The following TNFAIP8 variants were observed in gnomAD, a reference collection of about 807,000 sequenced individuals.
The protein encoded by TNFAIP8 is TNF alpha induced protein 8.
A neutral mutation model predicts 13.3 loss-of-function variants in TNFAIP8; 7 were observed. The observed-to-expected ratio is 0.52, with a 90% CI of 0.30 to 0.99. The LOEUF is 0.99. TNFAIP8 is among the 50% of genes least tolerant of loss of function. The probability of loss-of-function intolerance (pLI) is 0.07; values close to 1 mark genes in which losing one functional copy is unlikely to be tolerated. For missense variants in TNFAIP8, 258 were observed against 236.9 expected (o/e 1.09, Z -0.58); for synonymous variants, 94 against 87.6 (o/e 1.07, Z -0.41).
intron 1 of TNFAIP8, among the ~76,000 whole-genome samples, chr5:119,382,143 A>C (rs993571265): frequency 2.6e-5 from 4 of 152,152 alleles, no homozygotes; most frequent in Non-Finnish European, 5.9e-5. Flanking sequence ...AATCATATTT[A>C]TTTCTATAAG....
At chr5:119,285,910 A>C (rs1748763286) in intron 1 of TNFAIP8, among the ~76,000 whole-genome samples, 1 of 152,182 alleles carries the variant, frequency 6.6e-6, no homozygotes. Context: ...TAAAAAACAA[A>C]ATACTGATCT....
chr5:119,334,837 A>T (rs1750500313), intron 1 of TNFAIP8, among the ~76,000 whole-genome samples: 1 of 152,084 alleles, frequency 6.6e-6, no homozygotes, highest in Non-Finnish European at 1.5e-5. Flanking sequence ...GATCAGAGCC[A>T]GCTTTGCTTG....
chr5:119,379,503 G>A (rs1752404848), intron 1 of TNFAIP8, among the ~76,000 whole-genome samples: 1 of 152,200 alleles, frequency 6.6e-6, no homozygotes, highest in Non-Finnish European at 1.5e-5. Flanking sequence ...CAGGGATGAA[G>A]GGGGAAGGTG....
chr5:119,269,814 G>C (rs1228968410), intron 1 of TNFAIP8, among the ~76,000 whole-genome samples: 1 of 152,088 alleles, frequency 6.6e-6, no homozygotes, highest in Non-Finnish European at 1.5e-5. Flanking sequence ...GGAGGTGGGG[G>C]TCAGTACTCC....
intron 1 of TNFAIP8, among the ~76,000 whole-genome samples, chr5:119,319,677 ATG>A: frequency 6.6e-6 from 1 of 152,278 alleles, no homozygotes; most frequent in South Asian, 2.1e-4. Context: ...CAGGATTATT[ATG>A]GGTTATTTCT....
chr5:119,388,079 A>G lies in TNFAIP8; in HGVS notation c.32-4737A>G, dbSNP rs143752160. Among the ~76,000 whole-genome samples the G allele has an allele frequency of 1.8e-4, 27 of 152,314 alleles. No individual in the cohort carries two copies. In the East Asian group the frequency reaches 4.0e-3, roughly 23 times the overall value. ...CCCTCTGGCACATGTCTAAACATAG[A>G]TCCAGCCAGAAGTAGAGGTGGGCCT... On this transcript the variant is annotated intron_variant, in intron 1 of 1. Coordinates refer to ENST00000504771, the MANE Select transcript of TNFAIP8 (RefSeq NM_014350.4).
rs532628061 is a variant in TNFAIP8 at position 119,381,857 on chromosome 5, G to A, written c.32-10959G>A. 5.9e-5 allele frequency among the ~76,000 whole-genome samples: 9 copies of A among 152,090 alleles called. 1 individual carries two copies. The South Asian group carries it at 1.5e-3, about 25-fold the overall frequency. ...TGAGGCAGGAGAATCGCTTGAACCC[G>A]GGAGGTGGAGGTTGCAGTGAGCCAA... On this transcript the variant is annotated intron_variant, in intron 1 of 1. Transcript: ENST00000504771.
chr5:119,281,240 A>G (rs958015414), intron 1 of TNFAIP8, among the ~76,000 whole-genome samples: 1 of 140,370 alleles, frequency 7.1e-6, no homozygotes, highest in Non-Finnish European at 1.6e-5. Context: ...TGGAATGGTT[A>G]GTATTTATAG....
upstream of TNFAIP8, among the ~76,000 whole-genome samples, chr5:119,351,260 C>T (rs1310598999): frequency 6.6e-6 from 1 of 152,096 alleles, no homozygotes; most frequent in African/African-American, 2.4e-5. Context: ...CTTCTGGCCA[C>T]AAACAATCCT....
chr5:119,381,788 C>T lies in TNFAIP8; in HGVS notation c.32-11028C>T, dbSNP rs530338695. 5.3e-5 allele frequency among the ~76,000 whole-genome samples: 8 copies of T among 152,082 alleles called. No individual in the cohort carries two copies. The South Asian group carries it at 1.2e-3, about 24-fold the overall frequency. ...TCTCTACTAAAAATACAAAATTAGT[C>T]GGGCATGGTGGTGGGCACCTGTAGT... On this transcript the variant is annotated intron_variant, in intron 1 of 1. Transcript: ENST00000504771.
intron 1 of TNFAIP8, chr5:119,306,360 T>C (rs1422129825): frequency 6.6e-6 from 1 of 150,566 alleles, no homozygotes; most frequent in Admixed American, 6.6e-5. Flanking sequence ...GGTGTCTCTA[T>C]GTTTCCCAAA....
chr5:119,341,890 C>T (rs1750750552), intron 1 of TNFAIP8, among the ~76,000 whole-genome samples: 1 of 152,170 alleles, frequency 6.6e-6, no homozygotes, highest in Non-Finnish European at 1.5e-5. Flanking sequence ...TATATTCAGT[C>T]CTCTTTGTCT....
intron 1 of TNFAIP8, among the ~76,000 whole-genome samples, chr5:119,363,227 C>T (rs1023161518): frequency 2.0e-5 from 3 of 152,208 alleles, no homozygotes; most frequent in African/African-American, 4.8e-5. Flanking sequence ...CTGAAGATTG[C>T]TTCGTCTTCC....
At chr5:119,273,568 C>T (rs1240061520) in intron 1 of TNFAIP8, among the ~76,000 whole-genome samples, 1 of 152,198 alleles carries the variant, frequency 6.6e-6, no homozygotes, top group Non-Finnish European at 1.5e-5. Context: ...GAAGACGAGC[C>T]ATAGTACCCA....
chr5:119,339,480 T>A (rs1018448023), intron 1 of TNFAIP8, among the ~76,000 whole-genome samples: 96 of 138,800 alleles, frequency 6.9e-4, no homozygotes, highest in African/African-American at 2.6e-3. Context: ...TTTTTTTTTT[T>A]AAACTGAGTT....
rs1257509892 is a variant in TNFAIP8, at chr5:119,393,933, A to AG, written c.*552_*553insG. The AG allele has an allele frequency of 1.3e-5, 2 of 154,696 alleles. No homozygotes were observed. The highest frequency in any genetic ancestry group is 2.9e-5 in the Non-Finnish European group (2 of 69,650). 9.6% of individuals were successfully genotyped at this position (154,696 alleles called of 1,614,324 possible). A position where few individuals can be genotyped will look rare whatever the true frequency, so the allele number is the denominator to read the frequency against. ...GTAGTCAACCCTCAGGAAAAAAAAA[A>AG]TGGCTTATCTGAAATCAGTACTGTG... On this transcript the variant is annotated 3_prime_UTR_variant, in exon 2 of 2. Transcript: ENST00000504771.
chr5:119,269,968 G>A (rs1257284548), intron 1 of TNFAIP8, among the ~76,000 whole-genome samples: 1 of 152,188 alleles, frequency 6.6e-6, no homozygotes, highest in Non-Finnish European at 1.5e-5. Flanking sequence ...GTCTCTCTGA[G>A]TTCTACATTT....
rs145869138 is a variant in TNFAIP8, at chr5:119,396,294, C to T, written c.*2913C>T. 16 of 152,330 alleles carry T rather than the reference C, an allele frequency of 1.1e-4. No individual in the cohort carries two copies. In the East Asian group the frequency reaches 2.7e-3, roughly 26 times the overall value. 9.4% of individuals were successfully genotyped at this position (152,330 alleles called of 1,614,324 possible). On this transcript the variant is annotated 3_prime_UTR_variant, in exon 2 of 2. Coordinates refer to ENST00000504771, the MANE Select transcript of TNFAIP8 (RefSeq NM_014350.4). ...AGTCAGCACAGGTCTGGCCTGTTCT[C>T]TAAAGATCTGTGTAGATGTTGTACA...
At chr5:119,371,586 A>G (rs979019199) in intron 1 of TNFAIP8, among the ~76,000 whole-genome samples, 5 of 145,100 alleles carry the variant, frequency 3.4e-5, no homozygotes, top group African/African-American at 1.3e-4. Context: ...TCAGATTTGG[A>G]AAATGAATCA....
Sources: allele counts gnomAD v4.1 joint callset (sites outside exome capture counted in the v4.1 genomes callset), GRCh38; gene constraint gnomAD v4.1.1; transcripts MANE v1.5; gene names NCBI Gene and HGNC (gene_info 2026-07-23, HGNC 2026-07-21).